Variants in NRXN3 observed in about 807,000 individuals in gnomAD.
NRXN3 encodes neurexin III.
A neutral mutation model predicts 137.6 loss-of-function variants in NRXN3; 32 were observed. That is an observed-to-expected ratio of 0.23 (90% confidence interval 0.18 to 0.31). The LOEUF is 0.31. Ranked by LOEUF, NRXN3 falls within the 10% of genes least tolerant of loss-of-function variation. The pLI is 1.00. For missense variants in NRXN3, 1,574 were observed against 2,062.5 expected (o/e 0.76, Z 4.59); for synonymous variants, 798 against 784.5 (o/e 1.02, Z -0.29).
At chr14:78,751,280 TC>T (rs1051884000) in intron 8 of NRXN3, among the ~76,000 whole-genome samples, 2 of 152,170 alleles carry the variant, frequency 1.3e-5, no homozygotes, top group African/African-American at 4.8e-5. Context: ...CCTCATAGCA[TC>T]CCCGATGTTC....
intron 15 of NRXN3, among the ~76,000 whole-genome samples, chr14:79,037,680 G>A (rs936805754): frequency 2.6e-5 from 4 of 152,254 alleles, no homozygotes; most frequent in Admixed American, 1.3e-4. Flanking sequence ...ACTCCTAAAA[G>A]AGTGTGTCAT....
chr14:79,543,765 CCAAT>C (rs1248315978), intron 16 of NRXN3, among the ~76,000 whole-genome samples: 1 of 152,162 alleles, frequency 6.6e-6, no homozygotes, highest in Non-Finnish European at 1.5e-5. Context: ...AGTGCAGGCC[CCAAT>C]CAAAGTGCAC....
At chr14:79,406,641 T>G (rs73327796) in intron 15 of NRXN3, among the ~76,000 whole-genome samples, 3,592 of 152,134 alleles carry the variant, frequency 0.024, 142 homozygotes, top group African/African-American at 0.082. Context: ...TAAAGAGGAT[T>G]TTGACTATTT....
At chr14:79,457,499 A>C (rs758117944) in intron 15 of NRXN3, among the ~76,000 whole-genome samples, 11 of 152,202 alleles carry the variant, frequency 7.2e-5, no homozygotes, top group Non-Finnish European at 1.3e-4. Context: ...TTTAGAACAG[A>C]AGCATGGACT....
At chr14:78,512,230 A>G (rs11159367) in intron 4 of NRXN3, among the ~76,000 whole-genome samples, 63,364 of 151,876 alleles carry the variant, frequency 0.42, 13,420 homozygotes, top group East Asian at 0.5. Context: ...TAGAGCATAC[A>G]GCCCCAGGCA....
At chr14:79,614,109 T>C (rs1473976262) in intron 16 of NRXN3, among the ~76,000 whole-genome samples, 1 of 152,188 alleles carries the variant, frequency 6.6e-6, no homozygotes, top group Non-Finnish European at 1.5e-5. Flanking sequence ...TCCTCCAAAA[T>C]TGTCACTCTT....
intron 15 of NRXN3, among the ~76,000 whole-genome samples, chr14:79,450,304 T>C (rs1045237874): frequency 6.6e-6 from 1 of 152,138 alleles, no homozygotes; most frequent in African/African-American, 2.4e-5. Context: ...AAGGAGCAGA[T>C]GTTGGTCAAA....
intron 19 of NRXN3, among the ~76,000 whole-genome samples, chr14:79,712,614 T>C (rs2098808456): frequency 6.6e-6 from 1 of 152,234 alleles, no homozygotes; most frequent in Admixed American, 6.5e-5. Flanking sequence ...ACTCTTTGTT[T>C]GTTAATGAAT....
intron 15 of NRXN3, among the ~76,000 whole-genome samples, chr14:79,000,912 C>T (rs1406551823): frequency 1.3e-5 from 2 of 152,150 alleles, no homozygotes; most frequent in African/African-American, 4.8e-5. Flanking sequence ...GTATTCTCAA[C>T]ATCTAACATA....
chr14:78,196,761 G>A (rs572592230), intron 1 of NRXN3, among the ~76,000 whole-genome samples: 56 of 152,288 alleles, frequency 3.7e-4, no homozygotes, highest in African/African-American at 1.2e-3. Context: ...GGTATATGGC[G>A]CTATTAGAAC....
At chr14:79,050,288 C>T (rs892918699) in intron 15 of NRXN3, among the ~76,000 whole-genome samples, 19 of 152,128 alleles carry the variant, frequency 1.2e-4, no homozygotes, top group Admixed American at 3.3e-4. Context: ...AATTCATTAA[C>T]GTCATCATAA....
intron 15 of NRXN3, among the ~76,000 whole-genome samples, chr14:79,372,146 TGAGA>T (rs1398755815): frequency 1.3e-5 from 2 of 152,044 alleles, no homozygotes; most frequent in African/African-American, 2.4e-5. Flanking sequence ...AGAGAGTGTG[TGAGA>T]GAGAATCAAC....
chr14:79,543,823 T>A (rs1171160459), intron 16 of NRXN3, among the ~76,000 whole-genome samples: 1 of 152,014 alleles, frequency 6.6e-6, no homozygotes, highest in African/African-American at 2.4e-5. Flanking sequence ...TGTAGAGATG[T>A]GAGTTTAGAG....
At chr14:79,272,717 G>T (rs150187006) in intron 15 of NRXN3, among the ~76,000 whole-genome samples, 3 of 152,128 alleles carry the variant, frequency 2.0e-5, no homozygotes, top group Non-Finnish European at 2.9e-5. Flanking sequence ...TGCATTACCT[G>T]GTTCCAGGGA....
At position 79,861,919 on chromosome 14, in the gene NRXN3, C is replaced by T. The variant is rs1278974973; in HGVS notation, c.4671C>T (p.Ser1557=). ...AGGAGAAGCAGCAGAGCTCGAAGAG[C>T]GGCCACAAGAAACAGAAAAACAAGG... ...LMKEKQQSSK[S]GHKKQKNKDR... Residue 1557 remains serine, a synonymous_variant, in exon 21 of 21, where the codon AGC becomes AGT. Transcript: ENST00000335750. This position sits in a 1 kb window ranked among gnomAD's most constrained non-coding sequence, Gnocchi z 5.4. 5 of 1,613,492 alleles carry T rather than the reference C, an allele frequency of 3.1e-6. No homozygotes were observed. In the South Asian group the frequency reaches 3.3e-5, roughly 11 times the overall value.
chr14:78,699,377 A>C (rs746884877), intron 6 of NRXN3, among the ~76,000 whole-genome samples: 82 of 152,346 alleles, frequency 5.4e-4, no homozygotes, highest in Non-Finnish European at 1.1e-3. Flanking sequence ...CAATGAAGTG[A>C]GGACTAGATC....
At chr14:79,810,911 T>C (rs751467608) in intron 20 of NRXN3, among the ~76,000 whole-genome samples, 6 of 152,222 alleles carry the variant, frequency 3.9e-5, no homozygotes, top group Non-Finnish European at 7.3e-5. Context: ...GTGCTGATTG[T>C]TGGCCTTAAA....
chr14:79,124,208 G>A (rs1257509665), intron 15 of NRXN3, among the ~76,000 whole-genome samples: 1 of 152,132 alleles, frequency 6.6e-6, no homozygotes, highest in African/African-American at 2.4e-5. Context: ...GTAAAATCAA[G>A]CTAAATGAAA....
intron 10 of NRXN3, among the ~76,000 whole-genome samples, chr14:78,838,633 G>A (rs1361418998): frequency 6.6e-6 from 1 of 152,116 alleles, no homozygotes; most frequent in Non-Finnish European, 1.5e-5. Context: ...TGCCTTCAGG[G>A]GAATTTGACA....
Sources: allele counts gnomAD v4.1 joint callset (sites outside exome capture counted in the v4.1 genomes callset), GRCh38; gene constraint gnomAD v4.1.1; non-coding constraint Gnocchi (gnomAD v3.1); transcripts MANE v1.5; gene names NCBI Gene and HGNC (gene_info 2026-07-23, HGNC 2026-07-21).